The following ARHGAP26 variants were observed in gnomAD, a reference collection of about 807,000 sequenced individuals.
The protein encoded by ARHGAP26 is Rho GTPase activating protein 26.
Under a neutral mutation model 104.8 loss-of-function variants are expected in ARHGAP26, and 38 were observed. The ratio of observed to expected loss-of-function variants is 0.36; its 90% CI spans 0.28 to 0.48. ARHGAP26 has a LOEUF of 0.48. ARHGAP26 is among the 20% of genes least tolerant of loss of function. The probability of loss-of-function intolerance (pLI) is 0.99; values close to 1 mark genes in which losing one functional copy is unlikely to be tolerated. For missense variants in ARHGAP26, 704 were observed against 947.9 expected, an observed-to-expected ratio of 0.74 and a Z score of 3.38; for synonymous variants, 341 against 340.0, an observed-to-expected ratio of 1.00 and a Z score of -0.03.
chr5:143,194,294 A>C (rs1017506477), intron 20 of ARHGAP26: 2 of 152,222 alleles, frequency 1.3e-5, no homozygotes, highest in Non-Finnish European at 2.9e-5. Flanking sequence ...GTTTGTACTT[A>C]CAGTGCACAG....
At chr5:142,904,127 T>C (rs1017724601) in intron 8 of ARHGAP26, among the ~76,000 whole-genome samples, 1 of 152,080 alleles carries the variant, frequency 6.6e-6, no homozygotes, top group African/African-American at 2.4e-5. Context: ...GCCTTTTTCC[T>C]CTTCTCCTCA....
In ARHGAP26 at chr5:142,885,460, T is replaced by G. The variant is rs1183401970; in HGVS notation, c.486+61T>G. 5.5e-6 allele frequency: 8 copies of G among 1,446,150 alleles called. No homozygotes were observed. The South Asian group carries it at 8.4e-5, about 15-fold the overall frequency. The allele number at this position is 1,446,150 out of a possible 1,614,324, so 89.6% of individuals were successfully genotyped here. A position where few individuals can be genotyped will look rare whatever the true frequency, so the allele number is the denominator to read the frequency against. Reference sequence around the variant, plus strand: ...CAATTTGTACATGATGCTGTGGATATGTGCTGGTTGCTCTTTGCTAGAAAA... The same window carrying G: ...CAATTTGTACATGATGCTGTGGATAGGTGCTGGTTGCTCTTTGCTAGAAAA... On this transcript the variant is annotated intron_variant, in intron 5 of 22. Coordinates refer to ENST00000645722, the MANE Select transcript of ARHGAP26 (RefSeq NM_001135608.3).
intron 1 of ARHGAP26, among the ~76,000 whole-genome samples, chr5:142,872,701 T>C (rs1755491562): frequency 6.6e-6 from 1 of 152,200 alleles, no homozygotes; most frequent in African/African-American, 2.4e-5. Flanking sequence ...GCGTGTGGCA[T>C]GTGTTTTTAC....
intron 14 of ARHGAP26, among the ~76,000 whole-genome samples, chr5:143,045,872 A>G (rs368118338): frequency 6.6e-5 from 10 of 152,114 alleles, no homozygotes; most frequent in Non-Finnish European, 1.2e-4. Context: ...GGTGGCTCAC[A>G]CCTGTAATCC....
At position 142,828,115 on chromosome 5, in the gene ARHGAP26, A is replaced by G. The variant is rs1324651391; in HGVS notation, c.155-45285A>G. 2.0e-5 allele frequency among the ~76,000 whole-genome samples: 3 copies of G among 152,196 alleles called. No homozygotes were observed. The East Asian group carries it at 5.8e-4, about 29-fold the overall frequency. On this transcript the variant is annotated intron_variant, in intron 1 of 22. Coordinates refer to ENST00000645722, the MANE Select transcript of ARHGAP26 (RefSeq NM_001135608.3). ...CCTGGATCAAGTTTCCTCTACAGGTAGGAATTGTTTCCTTATCAGGCCCTC... is the reference window on the plus strand; with the variant it reads ...CCTGGATCAAGTTTCCTCTACAGGTGGGAATTGTTTCCTTATCAGGCCCTC...
intron 17 of ARHGAP26, among the ~76,000 whole-genome samples, chr5:143,061,151 G>T (rs544850189): frequency 6.6e-6 from 1 of 152,226 alleles, no homozygotes; most frequent in African/African-American, 2.4e-5. Flanking sequence ...AGATAGCTGT[G>T]GATCCTTGTG....
chr5:143,047,427 G>A (rs1015675867), intron 14 of ARHGAP26, among the ~76,000 whole-genome samples: 2 of 152,226 alleles, frequency 1.3e-5, no homozygotes, highest in Non-Finnish European at 2.9e-5. Context: ...GCCTTCACAT[G>A]TTAAATATAA....
At chr5:143,069,542 C>T (rs80217030) in intron 17 of ARHGAP26, among the ~76,000 whole-genome samples, 2,480 of 152,244 alleles carry the variant, frequency 0.016, 66 homozygotes, top group African/African-American at 0.057. Flanking sequence ...TGTACTAAGG[C>T]GGTAGTTGGG....
intron 12 of ARHGAP26, among the ~76,000 whole-genome samples, chr5:143,024,135 T>C (rs1780716125): frequency 1.3e-5 from 2 of 152,188 alleles, no homozygotes; most frequent in Non-Finnish European, 2.9e-5. Flanking sequence ...GGCAGGGGGC[T>C]GGAGAGAGAA....
rs768971885 is a variant in ARHGAP26 at position 142,879,463 on chromosome 5, T to G, written c.384+18T>G. ...CTGCCAAGGTGAGAATTTTGCAAGCTTTGGTCTGGATTTTAGGGTGAGAGG... is the reference window on the plus strand; with the variant it reads ...CTGCCAAGGTGAGAATTTTGCAAGCGTTGGTCTGGATTTTAGGGTGAGAGG... On this transcript the variant is annotated intron_variant, in intron 4 of 22. Coordinates refer to ENST00000645722, the MANE Select transcript of ARHGAP26 (RefSeq NM_001135608.3). 2.5e-6 allele frequency: 4 copies of G among 1,606,196 alleles called. No individual in the cohort carries two copies. The South Asian group carries it at 4.5e-5, about 18-fold the overall frequency.
chr5:143,028,598 C>G (rs1240159617), intron 12 of ARHGAP26, among the ~76,000 whole-genome samples: 1 of 151,984 alleles, frequency 6.6e-6, no homozygotes, highest in Non-Finnish European at 1.5e-5. Context: ...TATTGAATAC[C>G]AAGTAAATCC....
At chr5:143,044,802 G>C (rs1026599480) in intron 14 of ARHGAP26, among the ~76,000 whole-genome samples, 2 of 152,202 alleles carry the variant, frequency 1.3e-5, no homozygotes, top group African/African-American at 2.4e-5. Flanking sequence ...GAAAGACATG[G>C]AGGAGGAAGT....
intron 10 of ARHGAP26, among the ~76,000 whole-genome samples, chr5:142,924,908 G>A (rs1763700189): frequency 6.6e-6 from 1 of 152,198 alleles, no homozygotes; most frequent in African/African-American, 2.4e-5. Context: ...CAAGAATATA[G>A]ACAGGCATCC....
chr5:143,097,233 A>T (rs1792468151), intron 17 of ARHGAP26, among the ~76,000 whole-genome samples: 1 of 151,548 alleles, frequency 6.6e-6, no homozygotes, highest in South Asian at 2.1e-4. Context: ...GGGGTGGGGC[A>T]GGGGAGGCGG....
chr5:143,163,881 T>C (rs902666446), intron 20 of ARHGAP26, among the ~76,000 whole-genome samples: 14 of 152,162 alleles, frequency 9.2e-5, no homozygotes, highest in Admixed American at 4.6e-4. Flanking sequence ...TCTAATGTTT[T>C]AGATTTCAAG....
At chr5:143,132,266 T>C (rs954060660) in intron 18 of ARHGAP26, among the ~76,000 whole-genome samples, 3 of 152,002 alleles carry the variant, frequency 2.0e-5, no homozygotes, top group Admixed American at 1.3e-4. Flanking sequence ...ATAATTCTTA[T>C]GATTTTGTTT....
intron 1 of ARHGAP26, among the ~76,000 whole-genome samples, chr5:142,853,615 A>G (rs1040847126): frequency 2.4e-4 from 37 of 152,114 alleles, no homozygotes; most frequent in Non-Finnish European, 7.4e-5. Flanking sequence ...CCTTGTAGGG[A>G]TTTGGGGAGA....
intron 11 of ARHGAP26, among the ~76,000 whole-genome samples, chr5:142,955,300 C>CAAAA (rs963828688): frequency 6.7e-6 from 1 of 149,010 alleles, no homozygotes; most frequent in East Asian, 2.0e-4. Flanking sequence ...GACCCTGTCT[C>CAAAA]AAAAAAAAAA....
At chr5:142,881,788 G>A (rs1289600046) in intron 4 of ARHGAP26, among the ~76,000 whole-genome samples, 1 of 152,190 alleles carries the variant, frequency 6.6e-6, no homozygotes, top group Non-Finnish European at 1.5e-5. Flanking sequence ...GCCAGCAAGT[G>A]CTCTTCAGCT....
Sources: allele counts gnomAD v4.1 joint callset (sites outside exome capture counted in the v4.1 genomes callset), GRCh38; gene constraint gnomAD v4.1.1; transcripts MANE v1.5; gene names NCBI Gene and HGNC (gene_info 2026-07-23, HGNC 2026-07-21).